VPS13B: variants seen among roughly 807,000 people sequenced by gnomAD.
The protein encoded by VPS13B is vacuolar protein sorting 13 homolog B.
VPS13B carries 285 observed loss-of-function variants against 426.4 expected under a neutral mutation model. The observed-to-expected ratio is 0.67, with a 90% confidence interval of 0.61 to 0.74. The LOEUF (loss-of-function observed/expected upper bound fraction) is 0.74, where lower values mean the gene tolerates loss of function less well. VPS13B is among the 30% of genes least tolerant of loss of function. The probability of loss-of-function intolerance (pLI) is 0.00; values close to 1 mark genes in which losing one functional copy is unlikely to be tolerated. For missense variants in VPS13B, 4,537 were observed against 4,782.6 expected (o/e 0.95, Z 1.51); for synonymous variants, 1,676 against 1,676.4 (o/e 1.00, Z 0.01).
intron 14 of VPS13B, among the ~76,000 whole-genome samples, chr8:99,153,616 A>G (rs1217867647): frequency 6.6e-6 from 1 of 152,152 alleles, no homozygotes; most frequent in African/African-American, 2.4e-5. Flanking sequence ...TGCTTCTTGT[A>G]TCATTGCTGT....
At chr8:99,274,962 C>A (rs989138322) in intron 18 of VPS13B, 119 bp from the exon 19 acceptor site, 2 of 888,268 alleles carry the variant, frequency 2.3e-6, no homozygotes, top group East Asian at 2.8e-5. Flanking sequence ...AAATGTATAG[C>A]TAATATTATC....
At chr8:99,337,724 G>A (rs1588266764) in intron 19 of VPS13B, among the ~76,000 whole-genome samples, 1 of 151,798 alleles carries the variant, frequency 6.6e-6, no homozygotes, top group South Asian at 2.1e-4. Flanking sequence ...TAATACCTTG[G>A]TAAATTCACA....
At chr8:99,646,619 T>G (rs1012762208) in intron 34 of VPS13B, among the ~76,000 whole-genome samples, 5 of 152,178 alleles carry the variant, frequency 3.3e-5, no homozygotes, top group African/African-American at 7.2e-5. Flanking sequence ...ATGATTTGGT[T>G]TGGATGTTTA....
chr8:99,149,387 A>G (rs1810929986), intron 14 of VPS13B, among the ~76,000 whole-genome samples: 2 of 152,206 alleles, frequency 1.3e-5, no homozygotes, highest in African/African-American at 2.4e-5. Flanking sequence ...GTGAAATCTC[A>G]GTTCACTGCA....
chr8:99,028,249 T>G (rs1279974560), intron 2 of VPS13B, among the ~76,000 whole-genome samples: 10 of 151,734 alleles, frequency 6.6e-5, no homozygotes, highest in Non-Finnish European at 1.3e-4. Context: ...GACGGGGTCG[T>G]GGCCGGGCAG....
chr8:99,873,878 C>A (rs1045999302), intron 61 of VPS13B, among the ~76,000 whole-genome samples: 1 of 152,138 alleles, frequency 6.6e-6, no homozygotes, highest in South Asian at 2.1e-4. Context: ...GCCTGTCTGC[C>A]GTGAACACTT....
chr8:99,771,295 C>A (rs1811474520), intron 40 of VPS13B, among the ~76,000 whole-genome samples: 1 of 152,308 alleles, frequency 6.6e-6, no homozygotes, highest in Admixed American at 6.5e-5. Flanking sequence ...CATGTGAGAG[C>A]AGATTGCTTG....
chr8:99,244,637 T>C (rs1028037934), intron 17 of VPS13B, among the ~76,000 whole-genome samples: 1 of 152,224 alleles, frequency 6.6e-6, no homozygotes, highest in African/African-American at 2.4e-5. Context: ...GTGAAAGATA[T>C]CTGAATCTAT....
intron 50 of VPS13B, among the ~76,000 whole-genome samples, chr8:99,823,291 G>A (rs1814485169): frequency 1.3e-5 from 2 of 152,272 alleles, no homozygotes; most frequent in South Asian, 2.1e-4. Flanking sequence ...AGGATTTTGT[G>A]AGTTAATATG....
At chr8:99,548,471 T>G (rs1023093883) in intron 30 of VPS13B, among the ~76,000 whole-genome samples, 4 of 152,060 alleles carry the variant, frequency 2.6e-5, no homozygotes, top group Non-Finnish European at 5.9e-5. Context: ...AGAAGACATC[T>G]TGCCTTAATA....
chr8:99,337,692 T>A (rs1810999721), intron 19 of VPS13B, among the ~76,000 whole-genome samples: 1 of 152,160 alleles, frequency 6.6e-6, no homozygotes, highest in African/African-American at 2.4e-5. Flanking sequence ...TTCATAACAA[T>A]GTTTTACAAA....
chr8:99,551,637 C>T (rs898323371), intron 30 of VPS13B, among the ~76,000 whole-genome samples: 2 of 151,864 alleles, frequency 1.3e-5, no homozygotes, highest in Non-Finnish European at 2.9e-5. Context: ...GCTATGTTAA[C>T]ATGTGTACTT....
chr8:99,071,848 C>T (rs1015345900), intron 3 of VPS13B, among the ~76,000 whole-genome samples: 5 of 152,150 alleles, frequency 3.3e-5, no homozygotes, highest in Admixed American at 1.3e-4. Context: ...TCATTGTGGC[C>T]ATCATCACCC....
At chr8:99,370,604 G>A (rs904112681) in intron 19 of VPS13B, among the ~76,000 whole-genome samples, 23 of 140,412 alleles carry the variant, frequency 1.6e-4, no homozygotes, top group African/African-American at 5.8e-4. Flanking sequence ...TGAGTGAAGG[G>A]CTTTTTTTTT....
chr8:99,824,815 A>G (rs1205724525), intron 51 of VPS13B, among the ~76,000 whole-genome samples: 1 of 152,030 alleles, frequency 6.6e-6, no homozygotes, highest in African/African-American at 2.4e-5. Flanking sequence ...CTTATGAGTG[A>G]GAACATGTGG....
intron 17 of VPS13B, among the ~76,000 whole-genome samples, chr8:99,270,421 G>T (rs1818528547): frequency 6.6e-6 from 1 of 151,836 alleles, no homozygotes; most frequent in Admixed American, 6.6e-5. Context: ...TTACAGGCGT[G>T]AGCCACCGCG....
chr8:99,570,364 C>A (rs1476730718), intron 31 of VPS13B, among the ~76,000 whole-genome samples: 8 of 151,682 alleles, frequency 5.3e-5, no homozygotes, highest in African/African-American at 1.7e-4. Context: ...CTTCGTTTTC[C>A]TTTTAAACTT....
At chr8:99,218,028 C>T (rs1815482985) in intron 17 of VPS13B, among the ~76,000 whole-genome samples, 1 of 152,108 alleles carries the variant, frequency 6.6e-6, no homozygotes, top group Non-Finnish European at 1.5e-5. Flanking sequence ...CTGGGCTGCT[C>T]CCTTAAAGGT....
At chr8:99,102,651 T>C (rs1211678659) in intron 4 of VPS13B, among the ~76,000 whole-genome samples, 1 of 152,192 alleles carries the variant, frequency 6.6e-6, no homozygotes, top group African/African-American at 2.4e-5. Flanking sequence ...TAGAATAGGA[T>C]AATCATTGTA....
Sources: gnomAD v4.1 joint callset for allele counts (sites outside exome capture counted in the v4.1 genomes callset) on GRCh38, gnomAD v4.1.1 for gene constraint, MANE v1.5 for transcripts, NCBI Gene and HGNC (gene_info 2026-07-23, HGNC 2026-07-21) for gene names.